The following EPHA5 variants were observed in gnomAD, a reference collection of about 807,000 sequenced individuals.
EPHA5 encodes EPH receptor A5.
EPHA5 carries 60 observed loss-of-function variants against 105.0 expected under a neutral mutation model. The observed-to-expected ratio is 0.57, with a 90% CI of 0.46 to 0.71. The LOEUF (loss-of-function observed/expected upper bound fraction) is 0.71, where lower values mean the gene tolerates loss of function less well. Among genes scored for constraint, EPHA5 ranks in the 30% least tolerant of loss-of-function variants. The pLI is 0.00. For missense variants in EPHA5, 1,218 were observed against 1,274.7 expected, an observed-to-expected ratio of 0.96 and a Z score of 0.68; for synonymous variants, 513 against 449.1, an observed-to-expected ratio of 1.14 and a Z score of -1.80.
chr4:65,366,040 T>C lies in EPHA5; in HGVS notation c.1879A>G (p.Arg627Gly). ...TAGGTATGTGGATCAATGTAAGTTCTTACTCCTGGCAGTTTAACTGTAAAT... is the reference window on the plus strand; with the variant it reads ...TAGGTATGTGGATCAATGTAAGTTCCTACTCCTGGCAGTTTAACTGTAAAT... ...HNGHIKLPGV[R>G]TYIDPHTYED... is the part of the protein sequence containing the mutation. Residue 627 changes from arginine (R) to glycine (G), a missense_variant, in exon 10 of 17, where the codon AGA becomes GGA. Coordinates refer to ENST00000613740, the MANE Select transcript of EPHA5 (RefSeq NM_001281766.3). 6.3e-7 allele frequency: 1 copy of C among 1,598,134 alleles called. No individual in the cohort carries two copies. The highest frequency in any genetic ancestry group is 8.6e-7 in the Non-Finnish European group (1 of 1,168,684).
At chr4:65,545,427 A>G (rs1737279230) in intron 3 of EPHA5, among the ~76,000 whole-genome samples, 1 of 151,960 alleles carries the variant, frequency 6.6e-6, no homozygotes. Context: ...CACACATCTC[A>G]AAGCAGAAAA....
intron 3 of EPHA5, among the ~76,000 whole-genome samples, chr4:65,553,659 A>G (rs1383617778): frequency 1.3e-5 from 2 of 152,076 alleles, no homozygotes; most frequent in Non-Finnish European, 2.9e-5. Flanking sequence ...GGATCACAGT[A>G]GCTGTACAAA....
chr4:65,590,810 C>T (rs561864543), intron 3 of EPHA5, among the ~76,000 whole-genome samples: 1 of 152,132 alleles, frequency 6.6e-6, no homozygotes, highest in South Asian at 2.1e-4. Context: ...GCATATTATT[C>T]CTAATAAGGA....
chr4:65,395,862 G>A (rs1721175000), intron 8 of EPHA5, among the ~76,000 whole-genome samples: 1 of 152,312 alleles, frequency 6.6e-6, no homozygotes, highest in South Asian at 2.1e-4. Context: ...GATGGCAGTG[G>A]TGGCATGTCT....
intron 3 of EPHA5, among the ~76,000 whole-genome samples, chr4:65,576,456 G>T (rs1425870173): frequency 6.6e-6 from 1 of 152,160 alleles, no homozygotes; most frequent in Non-Finnish European, 1.5e-5. Flanking sequence ...GTAGATAAAA[G>T]AATGTTATGT....
At chr4:65,391,296 C>T (rs1259689851) in intron 8 of EPHA5, among the ~76,000 whole-genome samples, 1 of 152,042 alleles carries the variant, frequency 6.6e-6, no homozygotes, top group Non-Finnish European at 1.5e-5. Flanking sequence ...ACTATCACAG[C>T]CATCAGCAGT....
chr4:65,366,306 A>C (rs2148893810), intron 9 of EPHA5, among the ~76,000 whole-genome samples: 1 of 151,910 alleles, frequency 6.6e-6, no homozygotes, highest in Admixed American at 6.6e-5. Flanking sequence ...CTCAATCATA[A>C]TACTTAGAAA....
intron 3 of EPHA5, among the ~76,000 whole-genome samples, chr4:65,586,656 C>A (rs1414332601): frequency 6.7e-6 from 1 of 149,906 alleles, no homozygotes; most frequent in African/African-American, 2.4e-5. Flanking sequence ...GTTTTTTTTT[C>A]TCTCAAAGCT....
At chr4:65,513,223 G>T (rs927948853) in intron 3 of EPHA5, among the ~76,000 whole-genome samples, 5 of 152,096 alleles carry the variant, frequency 3.3e-5, no homozygotes, top group South Asian at 4.1e-4. Flanking sequence ...ATTCTTGATA[G>T]ATTTTCATTT....
At chr4:65,511,423 G>GT (rs1178978129) in intron 3 of EPHA5, among the ~76,000 whole-genome samples, 2 of 152,076 alleles carry the variant, frequency 1.3e-5, no homozygotes, top group African/African-American at 2.4e-5. Flanking sequence ...GTGATGATGA[G>GT]TTTTTTTATC....
intron 16 of EPHA5, among the ~76,000 whole-genome samples, chr4:65,325,416 T>A (rs1036432032): frequency 1.3e-5 from 2 of 151,422 alleles, no homozygotes; most frequent in African/African-American, 4.8e-5. Context: ...TTTCCCTTTA[T>A]GGTTTCTTGA....
At chr4:65,590,901 T>G (rs1262850473) in intron 3 of EPHA5, among the ~76,000 whole-genome samples, 3 of 152,150 alleles carry the variant, frequency 2.0e-5, no homozygotes, top group Non-Finnish European at 4.4e-5. Context: ...TCATAGTAAT[T>G]AAGTGTGTTT....
intron 2 of EPHA5, among the ~76,000 whole-genome samples, chr4:65,623,853 A>G (rs1310647396): frequency 6.6e-6 from 1 of 152,208 alleles, no homozygotes; most frequent in Admixed American, 6.5e-5. Context: ...TGTCTCATTT[A>G]TGCAAATAAA....
At chr4:65,550,110 T>C (rs1024490210) in intron 3 of EPHA5, among the ~76,000 whole-genome samples, 4 of 151,934 alleles carry the variant, frequency 2.6e-5, no homozygotes, top group Non-Finnish European at 4.4e-5. Context: ...AGATAATACA[T>C]TATTTGTTAA....
intron 15 of EPHA5, 134 bp from the exon 16 acceptor site, chr4:65,332,262 C>T (rs1170328185): frequency 1.6e-6 from 1 of 621,622 alleles, no homozygotes; most frequent in Non-Finnish European, 2.5e-6. Context: ...TATGCAAATG[C>T]TAATATGGAA....
chr4:65,513,327 A>G (rs1257267945), intron 3 of EPHA5, among the ~76,000 whole-genome samples: 1 of 152,088 alleles, frequency 6.6e-6, no homozygotes, highest in African/African-American at 2.4e-5. Flanking sequence ...ATTATTCCTA[A>G]TTCTGATGAC....
At chr4:65,517,848 G>A (rs557605543) in intron 3 of EPHA5, among the ~76,000 whole-genome samples, 73 of 151,988 alleles carry the variant, frequency 4.8e-4, no homozygotes, top group African/African-American at 1.7e-3. Flanking sequence ...AACAGACAAT[G>A]TATTTAAAAC....
At chr4:65,508,791 C>T (rs1733318700) in intron 3 of EPHA5, among the ~76,000 whole-genome samples, 1 of 151,770 alleles carries the variant, frequency 6.6e-6, no homozygotes, top group Non-Finnish European at 1.5e-5. Flanking sequence ...GGTTTTCACA[C>T]TGTAATTTGA....
At chr4:65,667,242 A>C (rs1448538616) in intron 1 of EPHA5, among the ~76,000 whole-genome samples, 1 of 152,218 alleles carries the variant, frequency 6.6e-6, no homozygotes, top group Non-Finnish European at 1.5e-5. Flanking sequence ...TTATAGCAAT[A>C]GCATGGAGAA....
Sources: gnomAD v4.1 joint callset for allele counts (sites outside exome capture counted in the v4.1 genomes callset) on GRCh38, gnomAD v4.1.1 for gene constraint, MANE v1.5 for transcripts, NCBI Gene and HGNC (gene_info 2026-07-23, HGNC 2026-07-21) for gene names.